ADAM19: variants seen among roughly 807,000 people sequenced by gnomAD.
ADAM19 encodes ADAM metallopeptidase domain 19, also known as disintegrin and metalloproteinase domain-containing protein 19.
In ADAM19, 65 loss-of-function variants were observed where a neutral mutation model predicts 114.7. The observed-to-expected ratio is 0.57, with a 90% CI of 0.46 to 0.70. The LOEUF (loss-of-function observed/expected upper bound fraction) is 0.70. Among genes scored for constraint, ADAM19 ranks in the 30% least tolerant of loss-of-function variants. The pLI is 0.00. For synonymous variants in ADAM19, 466 were observed against 460.5 expected (o/e 1.01, Z -0.15); for missense variants, 1,063 against 1,204.7 (o/e 0.88, Z 1.74).
chr5:157,546,633 G>A (rs1382338650), intron 3 of ADAM19, among the ~76,000 whole-genome samples: 1 of 152,198 alleles, frequency 6.6e-6, no homozygotes, highest in Non-Finnish European at 1.5e-5. Flanking sequence ...TTCTCCAGAA[G>A]GGGGGCCTTG....
chr5:157,486,790 C>T (rs903897402), intron 21 of ADAM19, among the ~76,000 whole-genome samples: 1 of 151,238 alleles, frequency 6.6e-6, no homozygotes, highest in Non-Finnish European at 1.5e-5. Flanking sequence ...GTGCACTCAT[C>T]ATTTAAAAAA....
rs534326674 is a variant in ADAM19, at chr5:157,526,618, G to C, written c.407+4189C>G. ...AGATGGGATGCCACATCTTTTTATT[G>C]GTGTCATTTTTTTTTTTTTTGAGAT... On this transcript the variant is annotated intron_variant, in intron 5 of 22. Coordinates refer to ENST00000257527, the MANE Select transcript of ADAM19 (RefSeq NM_033274.5). Among the ~76,000 whole-genome samples, 931 of 139,660 alleles carry C rather than the reference G, an allele frequency of 6.7e-3. 8 individuals carry two copies. Among genetic ancestry groups the C allele is most frequent in the African/African-American group, 0.024 (890 of 36,672 alleles). 91.6% of individuals were successfully genotyped at this position (139,660 alleles called of 152,430 possible).
chr5:157,487,533 C>T lies in ADAM19; in HGVS notation c.2550+732G>A, dbSNP rs150828904. ...AGTTCCAGAAGGCACCCCACCCGGCCGCCACCCAGGAAACACCTGTGTCTG... is the reference window on the plus strand; with the variant it reads ...AGTTCCAGAAGGCACCCCACCCGGCTGCCACCCAGGAAACACCTGTGTCTG... On this transcript the variant is annotated intron_variant, in intron 21 of 22. Transcript: ENST00000257527. 7.4e-4 allele frequency among the ~76,000 whole-genome samples: 112 copies of T among 152,270 alleles called. 1 individual carries two copies. The East Asian group carries it at 0.015, about 20-fold the overall frequency.
At position 157,505,821 on chromosome 5, in the gene ADAM19, C is replaced by CA. The variant is rs1173033685; in HGVS notation, c.991-14dup. The CA allele has an allele frequency of 2.5e-6, 4 of 1,612,900 alleles. No homozygotes were observed. The highest frequency in any genetic ancestry group is 3.3e-5 in the Admixed American group (2 of 59,956). The stretch of plus-strand genomic sequence containing the variant: ...TCTCGGAGTGGTCCTGCTCAGAAGA[C>CA]AGAGTTGAGGTCAAGGTCAAGGGGA... On this transcript the variant is annotated splice_polypyrimidine_tract_variant and intron_variant, in intron 10 of 22. Coordinates refer to ENST00000257527, the MANE Select transcript of ADAM19 (RefSeq NM_033274.5).
chr5:157,503,084 C>G, intron 11 of ADAM19, 104 bp from the exon 12 acceptor site: 1 of 1,029,006 alleles, frequency 9.7e-7, no homozygotes, highest in South Asian at 1.5e-5. Context: ...CTGACTCCAC[C>G]TGGGTTCAGA....
chr5:157,518,820 T>C lies in ADAM19; in HGVS notation c.666+3A>G. On this transcript the variant is annotated splice_donor_region_variant and intron_variant, in intron 7 of 22. Coordinates refer to ENST00000257527, the MANE Select transcript of ADAM19 (RefSeq NM_033274.5). ...TCTGCAAGACCCATTGCCTCCCCCT[T>C]ACCTCTAAATAATCAGCCACGAGGT... is the stretch of plus-strand genomic sequence containing the variant. The C allele has an allele frequency of 6.2e-7, 1 of 1,612,954 alleles. No individual in the cohort carries two copies. The highest frequency in any genetic ancestry group is 8.5e-7 in the Non-Finnish European group (1 of 1,178,880).
intron 2 of ADAM19, 88 bp from the exon 3 acceptor site, chr5:157,564,531 C>T: frequency 1.9e-6 from 2 of 1,076,576 alleles, no homozygotes; most frequent in Non-Finnish European, 2.9e-6. Flanking sequence ...AGCGCTCCAA[C>T]ATTGATCCAC....
At chr5:157,493,674 C>A (rs1755252024) in intron 15 of ADAM19, among the ~76,000 whole-genome samples, 1 of 152,166 alleles carries the variant, frequency 6.6e-6, no homozygotes, top group African/African-American at 2.4e-5. Flanking sequence ...TTCCCTGCCT[C>A]CAGTCTGCCT....
At chr5:157,486,444 G>T (rs914420767) in intron 21 of ADAM19, among the ~76,000 whole-genome samples, 1 of 152,106 alleles carries the variant, frequency 6.6e-6, no homozygotes, top group Non-Finnish European at 1.5e-5. Flanking sequence ...CCTGCCACTG[G>T]CTGGGCAGCT....
chr5:157,485,202 C>G (rs1332202256), intron 21 of ADAM19, among the ~76,000 whole-genome samples: 2 of 152,236 alleles, frequency 1.3e-5, no homozygotes, highest in Non-Finnish European at 2.9e-5. Flanking sequence ...ACTCCCTGCT[C>G]CAAGCTTTTA....
chr5:157,556,486 TGG>T (rs1053841351), intron 3 of ADAM19, among the ~76,000 whole-genome samples: 2 of 152,206 alleles, frequency 1.3e-5, no homozygotes, highest in African/African-American at 4.8e-5. Context: ...CCCAAAGTGC[TGG>T]GATTACAGGC....
chr5:157,554,723 T>C (rs185588229), intron 3 of ADAM19, among the ~76,000 whole-genome samples: 4 of 152,348 alleles, frequency 2.6e-5, no homozygotes, highest in African/African-American at 9.6e-5. Flanking sequence ...TGTCTATTTA[T>C]TGTGCTCTCA....
chr5:157,531,820 A>G (rs1756633090), intron 4 of ADAM19, among the ~76,000 whole-genome samples: 1 of 152,118 alleles, frequency 6.6e-6, no homozygotes, highest in Non-Finnish European at 1.5e-5. Context: ...CAGAGACTGG[A>G]GTGATGAAGT....
intron 15 of ADAM19, among the ~76,000 whole-genome samples, chr5:157,494,107 A>C (rs989280603): frequency 3.4e-4 from 51 of 152,216 alleles, no homozygotes; most frequent in African/African-American, 1.2e-3. Flanking sequence ...GTAAATCTTC[A>C]ATAGATAGTA....
chr5:157,537,685 T>C (rs1561548027), intron 4 of ADAM19, among the ~76,000 whole-genome samples: 1 of 152,232 alleles, frequency 6.6e-6, no homozygotes, highest in Non-Finnish European at 1.5e-5. Context: ...TTAGATGCAA[T>C]TACCCTAAAA....
chr5:157,518,715 G>T, intron 7 of ADAM19, 108 bp downstream of exon 7: 1 of 959,960 alleles, frequency 1.0e-6, no homozygotes, highest in Non-Finnish European at 1.7e-6. Flanking sequence ...AATCATAGAT[G>T]AACTGGAGAA....
Position 157,488,475 on chromosome 5 carries a change from C to T in ADAM19, c.2340G>A (p.Pro780=), listed in dbSNP as rs745765474. The change falls in exon 21 of 23, where the codon CCG becomes CCA. Residue 780 remains proline, a synonymous_variant. Coordinates refer to ENST00000257527, the MANE Select transcript of ADAM19 (RefSeq NM_033274.5). ...PQGKRKVINT[P]EILRKPSQPP... ...GCTGGGAGGGCTTCCGCAGGATTTC[C>T]GGAGTGTTGATCACCTGTACGCACA... 2.8e-5 allele frequency: 45 copies of T among 1,603,130 alleles called. No individual in the cohort carries two copies. The highest frequency in any genetic ancestry group is 1.9e-4 in the Middle Eastern group (1 of 5,212).
intron 3 of ADAM19, among the ~76,000 whole-genome samples, chr5:157,556,590 T>C (rs897882215): frequency 9.2e-5 from 14 of 152,236 alleles, no homozygotes; most frequent in South Asian, 2.1e-4. Context: ...GTGGTTATCA[T>C]TGGAGGGGAG....
chr5:157,523,685 C>A (rs1756372194), intron 5 of ADAM19, among the ~76,000 whole-genome samples: 1 of 152,156 alleles, frequency 6.6e-6, no homozygotes, highest in Non-Finnish European at 1.5e-5. Context: ...GAACTGTAAG[C>A]CAAAATAAAC....
Sources: allele counts gnomAD v4.1 joint callset (sites outside exome capture counted in the v4.1 genomes callset), GRCh38; gene constraint gnomAD v4.1.1; transcripts MANE v1.5; gene names NCBI Gene and HGNC (gene_info 2026-07-23, HGNC 2026-07-21).